NCALD: variants seen among roughly 807,000 people sequenced by gnomAD.
The protein encoded by NCALD is neurocalcin delta.
Under a neutral mutation model 18.6 loss-of-function variants are expected in NCALD, and 10 were observed. That is an observed-to-expected ratio of 0.54 (90% CI 0.33 to 0.91). NCALD has a LOEUF of 0.91. Ranked by LOEUF, NCALD falls within the 40% of genes least tolerant of loss-of-function variation. The pLI is 0.03. For missense variants in NCALD, 184 were observed against 247.6 expected (o/e 0.74, Z 1.72); for synonymous variants, 88 against 87.4 (o/e 1.01, Z -0.04).
chr8:101,739,402 A>C (rs1810087133), intron 1 of NCALD, among the ~76,000 whole-genome samples: 1 of 152,192 alleles, frequency 6.6e-6, no homozygotes, highest in Non-Finnish European at 1.5e-5. Flanking sequence ...TGTGATGGTT[A>C]ATATTGAGTG....
intron 3 of NCALD, among the ~76,000 whole-genome samples, chr8:101,895,210 T>C (rs899268029): frequency 2.0e-5 from 3 of 149,408 alleles, no homozygotes; most frequent in African/African-American, 7.7e-5. Flanking sequence ...TGGTTCGATA[T>C]ACGCAAATCA....
intron 1 of NCALD, among the ~76,000 whole-genome samples, chr8:102,082,594 C>A (rs986335501): frequency 6.6e-6 from 1 of 152,148 alleles, no homozygotes; most frequent in African/African-American, 2.4e-5. Flanking sequence ...AGAAAACTTA[C>A]CCCTAGGCAT....
chr8:101,822,956 T>C (rs966455841), intron 4 of NCALD, among the ~76,000 whole-genome samples: 5 of 152,214 alleles, frequency 3.3e-5, no homozygotes, highest in African/African-American at 1.2e-4. Context: ...AGTAGACCCT[T>C]ACTGATGCAA....
At chr8:102,080,865 A>G (rs7830150) in intron 1 of NCALD, among the ~76,000 whole-genome samples, 27,079 of 152,224 alleles carry the variant, frequency 0.18, 2,908 homozygotes, top group African/African-American at 0.3. Context: ...ATAGTGAGGC[A>G]AAGCCTCTTA....
intron 4 of NCALD, among the ~76,000 whole-genome samples, chr8:101,874,793 A>G (rs1816162068): frequency 6.6e-6 from 1 of 152,130 alleles, no homozygotes; most frequent in African/African-American, 2.4e-5. Flanking sequence ...CTCCCAAAGC[A>G]CTGGGAATAG....
At chr8:101,738,417 G>A (rs1419537584) in intron 1 of NCALD, among the ~76,000 whole-genome samples, 8 of 151,990 alleles carry the variant, frequency 5.3e-5, no homozygotes, top group Non-Finnish European at 7.4e-5. Flanking sequence ...GGTGGCAGGT[G>A]CCTGTAATCC....
At chr8:102,094,797 A>C (rs896911295) in intron 1 of NCALD, among the ~76,000 whole-genome samples, 1 of 152,246 alleles carries the variant, frequency 6.6e-6, no homozygotes, top group Non-Finnish European at 1.5e-5. Context: ...GGACCCAGAC[A>C]TACAGAGATA....
chr8:101,817,878 G>T (rs1813561963), intron 4 of NCALD, among the ~76,000 whole-genome samples: 1 of 152,172 alleles, frequency 6.6e-6, no homozygotes. Flanking sequence ...CACAGGTGTG[G>T]AATAATCAGA....
At chr8:101,880,094 G>A (rs925121129) in intron 4 of NCALD, among the ~76,000 whole-genome samples, 3 of 144,070 alleles carry the variant, frequency 2.1e-5, no homozygotes, top group Non-Finnish European at 4.6e-5. Context: ...GAGGGGGGGC[G>A]GTGAGGGAGG....
intron 3 of NCALD, among the ~76,000 whole-genome samples, chr8:101,912,408 TA>T (rs1817834463): frequency 6.6e-6 from 1 of 152,196 alleles, no homozygotes; most frequent in Admixed American, 6.5e-5. Flanking sequence ...ATTTCCTCAC[TA>T]AAAAAGAGAA....
chr8:102,063,955 A>G (rs979668665), intron 1 of NCALD, among the ~76,000 whole-genome samples: 1 of 152,202 alleles, frequency 6.6e-6, no homozygotes, highest in Non-Finnish European at 1.5e-5. Flanking sequence ...TTTTGAGACC[A>G]GGTCCATATA....
chr8:101,860,524 T>G (rs549088955), intron 4 of NCALD, among the ~76,000 whole-genome samples: 2 of 152,162 alleles, frequency 1.3e-5, no homozygotes, highest in African/African-American at 2.4e-5. Context: ...TGTTCTGCTC[T>G]CCTGGAGCTG....
At chr8:102,097,011 C>T (rs948433292) in intron 1 of NCALD, among the ~76,000 whole-genome samples, 1 of 152,256 alleles carries the variant, frequency 6.6e-6, no homozygotes. Flanking sequence ...AAGACTTCAA[C>T]ACAAGAATTT....
intron 2 of NCALD, among the ~76,000 whole-genome samples, chr8:101,709,123 C>A (rs574533136): frequency 1.3e-5 from 2 of 152,324 alleles, no homozygotes; most frequent in African/African-American, 4.8e-5. Context: ...CGCATAGGGG[C>A]TCACAGGCCC....
intron 4 of NCALD, among the ~76,000 whole-genome samples, chr8:101,875,532 T>C (rs1228360382): frequency 6.6e-6 from 1 of 152,240 alleles, no homozygotes; most frequent in Non-Finnish European, 1.5e-5. Flanking sequence ...TAGATTTCCA[T>C]GACCATTGTG....
chr8:102,005,006 C>G (rs978202948), intron 2 of NCALD, among the ~76,000 whole-genome samples: 6 of 152,218 alleles, frequency 3.9e-5, no homozygotes, highest in African/African-American at 1.4e-4. Context: ...AAAGCAATGG[C>G]AGCAAAAGCC....
chr8:102,119,009 G>A (rs1825869999), intron 1 of NCALD, among the ~76,000 whole-genome samples: 3 of 152,236 alleles, frequency 2.0e-5, no homozygotes, highest in African/African-American at 7.2e-5. Context: ...GTGGAAAACA[G>A]TGGATGTTCC....
intron 2 of NCALD, among the ~76,000 whole-genome samples, chr8:101,989,157 G>T (rs1167195822): frequency 6.6e-6 from 1 of 152,310 alleles, no homozygotes; most frequent in East Asian, 1.9e-4. Context: ...GGGCTGTGTG[G>T]CAAGTGATAA....
In NCALD at chr8:101,946,809, C is replaced by CAAAA. The variant is rs71268537; in HGVS notation, c.-156-30955_-156-30952dup. On this transcript the variant is annotated intron_variant, in intron 2 of 6. Coordinates refer to the NCALD transcript ENST00000311028. ...AGTGGAGACTATCCACATCAATTAG[C>CAAAA]AAAAAAAAAAAAAAAAAAAAAAAAA... 1.4e-4 allele frequency among the ~76,000 whole-genome samples: 9 copies of CAAAA among 65,666 alleles called. No individual in the cohort carries two copies. The East Asian group carries it at 1.5e-3, about 11-fold the overall frequency. The allele number at this position is 65,666 out of a possible 152,430, so 43.1% of individuals were successfully genotyped here. A position where few individuals can be genotyped will look rare whatever the true frequency, so the allele number is the denominator to read the frequency against.
Sources: allele counts gnomAD v4.1 joint callset (sites outside exome capture counted in the v4.1 genomes callset), GRCh38; gene constraint gnomAD v4.1.1; transcripts MANE v1.5; gene names NCBI Gene and HGNC (gene_info 2026-07-23, HGNC 2026-07-21).